CUBN: variants seen among roughly 807,000 people sequenced by gnomAD.
The protein encoded by CUBN is cubilin.
In CUBN, 282 loss-of-function variants were observed where a neutral mutation model predicts 405.3. The observed-to-expected ratio is 0.70, with a 90% CI of 0.63 to 0.77. CUBN has a LOEUF of 0.77. CUBN is among the 30% of genes least tolerant of loss of function. The pLI is 0.00. For synonymous variants in CUBN, 1,684 were observed against 1,617.0 expected (o/e 1.04, Z -0.99); for missense variants, 4,514 against 4,475.2 (o/e 1.01, Z -0.25).
intron 56 of CUBN, among the ~76,000 whole-genome samples, chr10:16,878,352 A>G (rs1006819641): frequency 2.6e-5 from 4 of 152,212 alleles, no homozygotes; most frequent in Non-Finnish European, 4.4e-5. Context: ...CTTTTGCACC[A>G]ACATAATATA....
At chr10:17,069,974 T>C (rs1007649658) in intron 19 of CUBN, among the ~76,000 whole-genome samples, 1 of 152,244 alleles carries the variant, frequency 6.6e-6, no homozygotes, top group African/African-American at 2.4e-5. Context: ...GCATAGAGAC[T>C]ACTCCTAGGT....
chr10:17,056,401 G>A (rs979719750), intron 22 of CUBN, among the ~76,000 whole-genome samples: 2 of 152,056 alleles, frequency 1.3e-5, no homozygotes, highest in Non-Finnish European at 2.9e-5. Flanking sequence ...ACAAGGTCAG[G>A]ATATCGAGAC....
chr10:16,928,175 T>G lies in CUBN; in HGVS notation c.6253A>C (p.Asn2085His), dbSNP rs1842246414. ...SDSSVTRAGF[N>H]ASFHKSCGGY... The stretch of plus-strand genomic sequence containing the variant: ...TCATTACTCTTGTGAAAGGATGCAT[T>G]GAAGCCTGCCCTGGTTACACTGGAG... The change falls in exon 41 of 67, where the codon AAT becomes CAT. Residue 2085 changes from asparagine to histidine, a missense_variant. Coordinates refer to ENST00000377833, the MANE Select transcript of CUBN (RefSeq NM_001081.4). The G allele has an allele frequency of 2.5e-6, 4 of 1,613,904 alleles. No individual in the cohort carries two copies. Among genetic ancestry groups the G allele is most frequent in the Non-Finnish European group, 3.4e-6 (4 of 1,179,852 alleles).
chr10:16,843,907 T>G (rs1290009715), intron 60 of CUBN, among the ~76,000 whole-genome samples: 1 of 152,154 alleles, frequency 6.6e-6, no homozygotes, highest in Non-Finnish European at 1.5e-5. Context: ...AATAAAATAA[T>G]GGGAGTGTAT....
At chr10:16,906,443 G>C (rs768353772) in intron 49 of CUBN, 34 bp from the exon 50 acceptor site, 2 of 1,436,906 alleles carry the variant, frequency 1.4e-6, no homozygotes, top group Non-Finnish European at 2.0e-6. Context: ...GAAAGTAGTA[G>C]TAAGATTCAG....
intron 6 of CUBN, among the ~76,000 whole-genome samples, chr10:17,119,924 T>C (rs1417807527): frequency 6.6e-6 from 1 of 152,230 alleles, no homozygotes; most frequent in Non-Finnish European, 1.5e-5. Flanking sequence ...AATGAGTATC[T>C]GCACCTTTTC....
intron 22 of CUBN, among the ~76,000 whole-genome samples, chr10:17,061,321 C>A (rs1198500516): frequency 6.6e-6 from 1 of 152,052 alleles, no homozygotes; most frequent in Non-Finnish European, 1.5e-5. Flanking sequence ...TTCATTAGAA[C>A]CCCTTGAATT....
chr10:16,951,065 A>G (rs1357283753), intron 33 of CUBN, among the ~76,000 whole-genome samples: 1 of 152,184 alleles, frequency 6.6e-6, no homozygotes. Flanking sequence ...TAAGCTCCCT[A>G]ATCTTCAGAA....
intron 28 of CUBN, among the ~76,000 whole-genome samples, chr10:16,994,365 A>C (rs756827341): frequency 6.6e-6 from 1 of 152,204 alleles, no homozygotes; most frequent in Non-Finnish European, 1.5e-5. Flanking sequence ...CTTCTCCTTC[A>C]GTTTACTAAG....
chr10:16,854,431 G>C (rs1839811216), intron 59 of CUBN, among the ~76,000 whole-genome samples: 1 of 152,094 alleles, frequency 6.6e-6, no homozygotes, highest in Admixed American at 6.6e-5. Flanking sequence ...TCAAATAAGT[G>C]GTAGAATCAG....
intron 15 of CUBN, among the ~76,000 whole-genome samples, chr10:17,086,212 T>A (rs1033403976): frequency 6.6e-6 from 1 of 152,026 alleles, no homozygotes; most frequent in African/African-American, 2.4e-5. Flanking sequence ...GATCTGACCA[T>A]CTCGGCCTCC....
chr10:16,935,829 G>A (rs184231189), intron 39 of CUBN, among the ~76,000 whole-genome samples: 1,447 of 131,238 alleles, frequency 0.011, 7 homozygotes, highest in Non-Finnish European at 0.015. Context: ...GCAGAGAGCC[G>A]AGATTGTGCC....
chr10:16,922,105 A>G (rs911566344), intron 43 of CUBN, among the ~76,000 whole-genome samples: 1 of 151,516 alleles, frequency 6.6e-6, no homozygotes, highest in South Asian at 2.1e-4. Context: ...TCTGCATCTT[A>G]ACACTAGAAT....
chr10:17,106,893 C>T (rs10752067), intron 10 of CUBN, among the ~76,000 whole-genome samples: 131,893 of 152,236 alleles, frequency 0.87, 58,274 homozygotes, highest in Non-Finnish European at 0.95. Flanking sequence ...CTCTAAAAGA[C>T]GTTTGCAATA....
rs1351974102 is a variant in CUBN, at chr10:17,045,024, T to A, written c.3655A>T (p.Thr1219Ser). ...DFHLEHHPNC[T>S]LDYLAVYDGP... ...ATACATACAGCCAGGTAATCTAAAG[T>A]GCAGTTTGGATGATGCTCCAAGTGA... Residue 1219 changes from threonine to serine, a missense_variant, in exon 25 of 67, where the codon ACT becomes TCT. By Grantham distance (58) the Thr-to-Ser change is moderately conservative. Transcript: ENST00000377833. 1.2e-6 allele frequency: 2 copies of A among 1,614,056 alleles called. No individual in the cohort carries two copies. Among genetic ancestry groups the A allele is most frequent in the Admixed American group, 3.3e-5 (2 of 60,004 alleles).
intron 14 of CUBN, among the ~76,000 whole-genome samples, chr10:17,095,043 G>A (rs976189075): frequency 1.3e-5 from 2 of 151,938 alleles, no homozygotes; most frequent in Non-Finnish European, 2.9e-5. Flanking sequence ...GTATGGTATT[G>A]GCATTAAAAA....
chr10:17,041,191 T>A lies in CUBN; in HGVS notation c.3859A>T (p.Thr1287Ser). The change falls in exon 27 of 67, where the codon ACC becomes TCC. Residue 1287 changes from threonine to serine, a missense_variant. Coordinates refer to ENST00000377833, the MANE Select transcript of CUBN (RefSeq NM_001081.4). The part of the protein sequence containing the change: ...TCENVVIVNQ[T>S]YGILESIGYP... ...CCTATACTCTCTAAGATGCCATAGG[T>A]TTGATTGACTATTACCACATTCTCA... 1 of 1,613,674 alleles carries A rather than the reference T, an allele frequency of 6.2e-7. No homozygotes were observed. The highest frequency in any genetic ancestry group is 1.3e-5 in the African/African-American group (1 of 75,008).
intron 40 of CUBN, among the ~76,000 whole-genome samples, chr10:16,928,635 T>G (rs1052343343): frequency 2.0e-5 from 3 of 150,724 alleles, no homozygotes; most frequent in African/African-American, 7.3e-5. Context: ...GTTCAAGTGA[T>G]TCTCCTGCCT....
In CUBN at chr10:16,874,475, A is replaced by G. The variant is rs1285396485; in HGVS notation, c.9135T>C (p.Ser3045=). The G allele has an allele frequency of 6.2e-7, 1 of 1,614,068 alleles. No individual in the cohort carries two copies. Among genetic ancestry groups the G allele is most frequent in the African/African-American group, 1.3e-5 (1 of 74,946 alleles). The change falls in exon 58 of 67, where the codon TCT becomes TCC. Residue 3045 remains serine (S), a synonymous_variant. Transcript: ENST00000377833. Reference sequence around the variant, plus strand: ...AATAGGCAGGACTTGTGATGATTCCAGAAGAGAAATTGAACACACCACCAC... The same window carrying G: ...AATAGGCAGGACTTGTGATGATTCCGGAAGAGAAATTGAACACACCACCAC... ...ISCGGVFNFS[S]GIITSPAYSY... is the part of the protein sequence containing the mutation.
Sources: allele counts gnomAD v4.1 joint callset (sites outside exome capture counted in the v4.1 genomes callset), GRCh38; gene constraint gnomAD v4.1.1; transcripts MANE v1.5; gene names NCBI Gene and HGNC (gene_info 2026-07-23, HGNC 2026-07-21).